Variants in BBS9 observed in about 807,000 individuals in gnomAD.
The protein encoded by BBS9 is Bardet-Biedl syndrome 9, also known as protein PTHB1.
Under a neutral mutation model 117.7 loss-of-function variants are expected in BBS9, and 89 were observed. That is an observed-to-expected ratio of 0.76 (90% confidence interval 0.64 to 0.90). BBS9 has a LOEUF of 0.90. Among genes scored for constraint, BBS9 ranks in the 40% least tolerant of loss-of-function variants. BBS9 has a pLI of 0.00. For missense variants in BBS9, 982 were observed against 1,042.2 expected, an observed-to-expected ratio of 0.94 and a Z score of 0.80; for synonymous variants, 379 against 370.9, an observed-to-expected ratio of 1.02 and a Z score of -0.25.
intron 12 of BBS9, 56 bp downstream of exon 12, chr7:33,344,690 A>G (rs1817276013): frequency 2.0e-6 from 3 of 1,522,764 alleles, no homozygotes; most frequent in African/African-American, 1.4e-5. Flanking sequence ...ATTTCATTAC[A>G]TCTGTCACTG....
intron 9 of BBS9, among the ~76,000 whole-genome samples, chr7:33,281,912 G>A (rs919236788): frequency 2.6e-5 from 4 of 151,640 alleles, no homozygotes; most frequent in African/African-American, 7.3e-5. Context: ...TCTCTTGGGC[G>A]CAAGCAATCC....
intron 19 of BBS9, among the ~76,000 whole-genome samples, chr7:33,403,584 C>A (rs376094984): frequency 6.7e-6 from 1 of 149,648 alleles, no homozygotes. Flanking sequence ...TTTGTCCTTG[C>A]GATAGTTTAC....
intron 19 of BBS9, among the ~76,000 whole-genome samples, chr7:33,457,568 T>G (rs1187860438): frequency 6.6e-6 from 1 of 152,170 alleles, no homozygotes; most frequent in Non-Finnish European, 1.5e-5. Context: ...CTTCTGAAAC[T>G]TACTTGTTGA....
At chr7:33,149,540 A>G (rs752256131) in intron 2 of BBS9, among the ~76,000 whole-genome samples, 9 of 152,290 alleles carry the variant, frequency 5.9e-5, no homozygotes, top group South Asian at 2.1e-4. Flanking sequence ...CAAGATTCAG[A>G]CTCTTGAGAG....
At chr7:33,602,198 G>A (rs901654516) in intron 21 of BBS9, among the ~76,000 whole-genome samples, 2 of 114,740 alleles carry the variant, frequency 1.7e-5, no homozygotes, top group Admixed American at 1.7e-4. Flanking sequence ...GGCTGAGCAG[G>A]TGCAGCTACA....
chr7:33,408,211 G>A (rs535733322), intron 19 of BBS9, among the ~76,000 whole-genome samples: 8 of 152,266 alleles, frequency 5.3e-5, no homozygotes, highest in Admixed American at 2.0e-4. Flanking sequence ...AGCAATCAGC[G>A]AGACTCCATG....
chr7:33,352,605 G>A (rs1038281121), intron 14 of BBS9, among the ~76,000 whole-genome samples: 1 of 151,890 alleles, frequency 6.6e-6, no homozygotes, highest in African/African-American at 2.4e-5. Flanking sequence ...ATTTACAGTG[G>A]AATAACACAT....
chr7:33,363,378 C>T (rs1325379861), intron 16 of BBS9, among the ~76,000 whole-genome samples: 1 of 152,214 alleles, frequency 6.6e-6, no homozygotes, highest in African/African-American at 2.4e-5. Context: ...GCTGGGATTA[C>T]AGGCGTGAGC....
chr7:33,569,466 T>C (rs909543882), intron 21 of BBS9, among the ~76,000 whole-genome samples: 1 of 149,872 alleles, frequency 6.7e-6, no homozygotes, highest in Non-Finnish European at 1.5e-5. Context: ...AATGCAAAAA[T>C]AAAAATAGGC....
At chr7:33,546,107 G>A (rs1210068251) in intron 21 of BBS9, among the ~76,000 whole-genome samples, 7 of 151,466 alleles carry the variant, frequency 4.6e-5, no homozygotes, top group Non-Finnish European at 7.4e-5. Flanking sequence ...CTAATTTTTT[G>A]TATTTTTAGT....
At chr7:33,603,700 G>A (rs984673802) in intron 21 of BBS9, among the ~76,000 whole-genome samples, 3 of 152,024 alleles carry the variant, frequency 2.0e-5, no homozygotes, top group African/African-American at 7.2e-5. Flanking sequence ...TGTCATTTTC[G>A]GGTATGGCTG....
chr7:33,206,084 T>C (rs1393515106), intron 5 of BBS9, among the ~76,000 whole-genome samples: 3 of 152,194 alleles, frequency 2.0e-5, no homozygotes, highest in Non-Finnish European at 4.4e-5. Flanking sequence ...GTTTCATTTT[T>C]TTCCCCTGGC....
At chr7:33,501,535 C>T (rs1239080128) in intron 19 of BBS9, among the ~76,000 whole-genome samples, 2 of 152,188 alleles carry the variant, frequency 1.3e-5, no homozygotes, top group Non-Finnish European at 2.9e-5. Flanking sequence ...GGGCCTTGCT[C>T]AGGAAAGATC....
intron 5 of BBS9, among the ~76,000 whole-genome samples, chr7:33,247,903 C>T (rs1795609581): frequency 6.6e-6 from 1 of 152,034 alleles, no homozygotes; most frequent in Non-Finnish European, 1.5e-5. Flanking sequence ...GAACCTATCA[C>T]ATATAATGCT....
intron 21 of BBS9, among the ~76,000 whole-genome samples, chr7:33,611,208 G>A (rs1030138228): frequency 2.0e-5 from 3 of 151,880 alleles, no homozygotes; most frequent in Non-Finnish European, 4.4e-5. Flanking sequence ...AGAAGTTCAT[G>A]ATGTCACCTG....
At chr7:33,268,703 G>A (rs1360034179) in intron 7 of BBS9, among the ~76,000 whole-genome samples, 1 of 152,086 alleles carries the variant, frequency 6.6e-6, no homozygotes, top group African/African-American at 2.4e-5. Flanking sequence ...AATTCAGAAT[G>A]TAGTGTATTT....
chr7:33,635,027 G>A (rs972231418), intron 21 of BBS9, among the ~76,000 whole-genome samples: 3 of 152,068 alleles, frequency 2.0e-5, no homozygotes, highest in Admixed American at 6.5e-5. Flanking sequence ...CGAAACCATC[G>A]GTACCCAGTG....
chr7:33,138,824 A>T (rs920811404), intron 1 of BBS9, among the ~76,000 whole-genome samples: 2 of 150,900 alleles, frequency 1.3e-5, no homozygotes, highest in African/African-American at 4.8e-5. Context: ...CCTGGCCTGA[A>T]CTGATTCTCC....
chr7:33,246,884 T>C (rs1242073459), intron 5 of BBS9, among the ~76,000 whole-genome samples: 2 of 152,186 alleles, frequency 1.3e-5, no homozygotes, highest in Admixed American at 6.5e-5. Flanking sequence ...CACAATATTC[T>C]TCTTTAGAGA....
Sources: gnomAD v4.1 joint callset for allele counts (sites outside exome capture counted in the v4.1 genomes callset) on GRCh38, gnomAD v4.1.1 for gene constraint, MANE v1.5 for transcripts, NCBI Gene and HGNC (gene_info 2026-07-23, HGNC 2026-07-21) for gene names.